The following NIPBL variants were observed in gnomAD, a reference collection of about 807,000 sequenced individuals.
NIPBL encodes nipped-B-like protein.
NIPBL carries 19 observed loss-of-function variants against 321.8 expected under a neutral mutation model. The observed-to-expected ratio is 0.06, with a 90% CI of 0.04 to 0.09. The LOEUF is 0.09. Among genes scored for constraint, NIPBL ranks in the 10% least tolerant of loss-of-function variants. The pLI, the probability that NIPBL is intolerant of heterozygous loss-of-function variation, is 1.00. For synonymous variants in NIPBL, 1,106 were observed against 1,114.1 expected (o/e 0.99, Z 0.14); for missense variants, 2,210 against 3,327.0 (o/e 0.66, Z 8.26).
intron 40 of NIPBL, among the ~76,000 whole-genome samples, chr5:37,049,611 A>G (rs1044278362): frequency 3.3e-5 from 5 of 152,210 alleles, no homozygotes; most frequent in Non-Finnish European, 7.3e-5. Flanking sequence ...AGATCCAACA[A>G]TCTATAATGT....
intron 40 of NIPBL, 119 bp downstream of exon 40, chr5:37,049,420 C>T (rs1177333728): frequency 8.9e-7 from 1 of 1,125,396 alleles, no homozygotes; most frequent in Non-Finnish European, 1.3e-6. Context: ...TTGTACTAAA[C>T]TCTTAAGAAT....
chr5:36,980,267 A>T (rs886214046), intron 9 of NIPBL, among the ~76,000 whole-genome samples: 7 of 151,760 alleles, frequency 4.6e-5, no homozygotes, highest in African/African-American at 1.7e-4. Context: ...GTTAACAGAT[A>T]ACTGAAAAGT....
chr5:36,893,223 A>G (rs1746480502), intron 1 of NIPBL, among the ~76,000 whole-genome samples: 2 of 152,182 alleles, frequency 1.3e-5, no homozygotes, highest in Non-Finnish European at 2.9e-5. Context: ...AGTGAGAACT[A>G]TGTTACTTTG....
Position 37,002,770 on chromosome 5 carries a change from C to G in NIPBL, c.3768+5C>G. The G allele has an allele frequency of 3.4e-6, 5 of 1,455,488 alleles. No individual in the cohort carries two copies. The highest frequency in any genetic ancestry group is 4.8e-6 in the Non-Finnish European group (5 of 1,037,912). 90.2% of individuals were successfully genotyped at this position (1,455,488 alleles called of 1,614,324 possible). A position where few individuals can be genotyped will look rare whatever the true frequency, so the allele number is the denominator to read the frequency against. On this transcript the variant is annotated splice_donor_5th_base_variant and intron_variant, in intron 15 of 46. Coordinates refer to ENST00000282516, the MANE Select transcript of NIPBL (RefSeq NM_133433.4). ...GCAATGGGTATAATGGATAAGGTAT[C>G]TCACCAAAGTAAAATTTATAAATTT...
chr5:36,889,435 G>T (rs894611625), intron 1 of NIPBL, among the ~76,000 whole-genome samples: 3 of 152,114 alleles, frequency 2.0e-5, no homozygotes, highest in African/African-American at 7.2e-5. Context: ...CTGGGAGGAG[G>T]TGTTGGGAAA....
intron 43 of NIPBL, among the ~76,000 whole-genome samples, chr5:37,058,081 A>T (rs191312595): frequency 1.6e-3 from 245 of 152,318 alleles, no homozygotes; most frequent in Non-Finnish European, 2.5e-3. Context: ...TTAAACCCTT[A>T]CTACTTGAAG....
In NIPBL at chr5:37,048,644, A is replaced by T; in HGVS notation, c.6732A>T (p.Glu2244Asp). ...LKNLQTYLQE[E>D]DTRMQQADRD... The stretch of plus-strand genomic sequence containing the variant: ...ACCTCCAGACCTACCTACAAGAAGA[A>T]GATACACGTATGCAGCAGGCAGATA... The change falls in exon 39 of 47, where the codon GAA becomes GAT. Residue 2244 changes from glutamate to aspartate, a missense_variant. By Grantham distance (45) the Glu-to-Asp change is conservative. Transcript: ENST00000282516. 6.2e-7 allele frequency: 1 copy of T among 1,610,568 alleles called. No individual in the cohort carries two copies. The highest frequency in any genetic ancestry group is 8.5e-7 in the Non-Finnish European group (1 of 1,177,758).
At chr5:36,897,536 T>G (rs987828902) in intron 1 of NIPBL, among the ~76,000 whole-genome samples, 3 of 152,204 alleles carry the variant, frequency 2.0e-5, no homozygotes, top group African/African-American at 7.2e-5. Context: ...ATTTCTTATT[T>G]TCTCAATCCT....
chr5:36,926,346 A>T (rs114122745), intron 1 of NIPBL, among the ~76,000 whole-genome samples: 3,035 of 152,158 alleles, frequency 0.02, 83 homozygotes, highest in African/African-American at 0.062. Flanking sequence ...TGTGGTGGTG[A>T]TGGAGGTTAC....
At chr5:36,991,693 G>A (rs1580414301) in intron 10 of NIPBL, among the ~76,000 whole-genome samples, 1 of 151,012 alleles carries the variant, frequency 6.6e-6, no homozygotes, top group Non-Finnish European at 1.5e-5. Flanking sequence ...TGTGTTATAT[G>A]GGTAGGTTAG....
rs763336922 is a variant in NIPBL at position 37,036,335 on chromosome 5, GTATATATATATGTATATATA to G, written c.5863-32_5863-13del. On this transcript the variant is annotated intron_variant, in intron 32 of 46. Transcript: ENST00000282516. ...ATACCGGGATTTTTTTTTCTTTTTT[GTATATATATATGTATATATA>G]TATATATATATATGTATATATAGTT... 1.6e-4 allele frequency: 74 copies of G among 456,972 alleles called. No homozygotes were observed. The highest frequency in any genetic ancestry group is 6.7e-5 in the South Asian group (1 of 15,016). 28.3% of individuals were successfully genotyped at this position (456,972 alleles called of 1,614,324 possible).
At chr5:36,948,470 T>G (rs543565626) in intron 1 of NIPBL, among the ~76,000 whole-genome samples, 24 of 152,028 alleles carry the variant, frequency 1.6e-4, no homozygotes, top group African/African-American at 5.8e-4. Flanking sequence ...AAGTAGAGTT[T>G]AAAGCAATTT....
chr5:36,991,155 A>G (rs895768452), intron 10 of NIPBL, among the ~76,000 whole-genome samples: 5 of 152,070 alleles, frequency 3.3e-5, no homozygotes, highest in African/African-American at 1.2e-4. Context: ...GTAATGTATC[A>G]ATTTTTAAAA....
intron 9 of NIPBL, among the ~76,000 whole-genome samples, chr5:36,977,557 A>C (rs1216461530): frequency 6.6e-6 from 1 of 151,262 alleles, no homozygotes; most frequent in Non-Finnish European, 1.5e-5. Flanking sequence ...GATTGCTAGA[A>C]GTCTTCATTT....
In NIPBL at chr5:37,038,811, G is replaced by A. The variant is rs181918419; in HGVS notation, c.6108+73G>A. 3.7e-5 allele frequency: 54 copies of A among 1,447,692 alleles called. No homozygotes were observed. In the Admixed American group the frequency reaches 3.8e-4, roughly 10 times the overall value. 89.7% of individuals were successfully genotyped at this position (1,447,692 alleles called of 1,614,324 possible). On this transcript the variant is annotated intron_variant, in intron 34 of 46. Coordinates refer to ENST00000282516, the MANE Select transcript of NIPBL (RefSeq NM_133433.4). ...TGCTTTAAATTTAGAGTTCACATGC[G>A]TCAACCACATTCTCACTGACAGATC...
At chr5:37,024,964 G>A (rs1750089382) in intron 30 of NIPBL, among the ~76,000 whole-genome samples, 1 of 152,118 alleles carries the variant, frequency 6.6e-6, no homozygotes, top group Admixed American at 6.5e-5. Context: ...GGCCATAGTA[G>A]CTCATGCCTA....
chr5:36,947,817 C>T (rs1739853263), intron 1 of NIPBL, among the ~76,000 whole-genome samples: 1 of 151,626 alleles, frequency 6.6e-6, no homozygotes, highest in Non-Finnish European at 1.5e-5. Flanking sequence ...CAGCATATAC[C>T]CGACCCCTAA....
At chr5:37,060,299 C>T (rs1754531850) in intron 44 of NIPBL, among the ~76,000 whole-genome samples, 1 of 152,156 alleles carries the variant, frequency 6.6e-6, no homozygotes, top group South Asian at 2.1e-4. Context: ...GCTGGGAGTA[C>T]AGATGCATGC....
chr5:36,943,622 A>C (rs1219156956), intron 1 of NIPBL, among the ~76,000 whole-genome samples: 2 of 152,174 alleles, frequency 1.3e-5, no homozygotes, highest in African/African-American at 4.8e-5. Flanking sequence ...TATTGATTAG[A>C]TAATTGGATA....
Sources: gnomAD v4.1 joint callset for allele counts (sites outside exome capture counted in the v4.1 genomes callset) on GRCh38, gnomAD v4.1.1 for gene constraint, MANE v1.5 for transcripts, NCBI Gene and HGNC (gene_info 2026-07-23, HGNC 2026-07-21) for gene names.